The following CBLN2 variants were observed in gnomAD, a reference collection of about 807,000 sequenced individuals.
CBLN2 encodes the protein cerebellin-2.
Under a neutral mutation model 15.0 loss-of-function variants are expected in CBLN2, and 7 were observed. The observed-to-expected ratio is 0.47, with a 90% CI of 0.27 to 0.88. CBLN2 has a LOEUF of 0.88. Ranked by LOEUF, CBLN2 falls within the 40% of genes least tolerant of loss-of-function variation. The pLI, the probability that CBLN2 is intolerant of heterozygous loss-of-function variation, is 0.14. For synonymous variants in CBLN2, 149 were observed against 135.2 expected (o/e 1.10, Z -0.71); for missense variants, 242 against 304.5 (o/e 0.79, Z 1.53).
At chr18:72,557,853 G>A (rs966532260) in intron 1 of CBLN2, among the ~76,000 whole-genome samples, 5 of 152,080 alleles carry the variant, frequency 3.3e-5, no homozygotes, top group Admixed American at 2.0e-4. Flanking sequence ...AAGCCACCAC[G>A]GCACATGTTT....
chr18:72,610,956 CT>C (rs2069617904), intron 1 of CBLN2, among the ~76,000 whole-genome samples: 1 of 152,056 alleles, frequency 6.6e-6, no homozygotes, highest in South Asian at 2.1e-4. Context: ...TGAGTACCCC[CT>C]ATTTAGCTTC....
intron 1 of CBLN2, among the ~76,000 whole-genome samples, chr18:72,631,433 TAA>T (rs10715292): frequency 0.01 from 1,542 of 148,106 alleles, 23 homozygotes; most frequent in African/African-American, 0.033. Context: ...TAGTGTGTAT[TAA>T]AAAAAAAAAA....
intron 1 of CBLN2, among the ~76,000 whole-genome samples, chr18:72,625,804 CTCTCTCTCTCTCTCTATA>C (rs1187485591): frequency 3.2e-4 from 18 of 56,360 alleles, no homozygotes; most frequent in Admixed American, 2.6e-3. Flanking sequence ...CTCTCTCTCT[CTCTCTCTCTCTCTCTATA>C]TATATATATA....
chr18:72,585,709 C>T (rs1464180688), intron 1 of CBLN2, among the ~76,000 whole-genome samples: 1 of 152,194 alleles, frequency 6.6e-6, no homozygotes, highest in East Asian at 1.9e-4. Flanking sequence ...AGCCTGTCTG[C>T]CTCCTGCTGC....
chr18:72,611,522 G>A (rs2069622316), intron 1 of CBLN2, among the ~76,000 whole-genome samples: 1 of 152,000 alleles, frequency 6.6e-6, no homozygotes, highest in African/African-American at 2.4e-5. Flanking sequence ...TTTCATGTTT[G>A]TTGGCTGCTC....
At chr18:72,578,319 G>A (rs1027179565) in intron 1 of CBLN2, among the ~76,000 whole-genome samples, 1 of 152,152 alleles carries the variant, frequency 6.6e-6, no homozygotes, top group Non-Finnish European at 1.5e-5. Context: ...TCCTAGAATT[G>A]TTTGAACACT....
intron 1 of CBLN2, among the ~76,000 whole-genome samples, chr18:72,558,055 G>A (rs1302902968): frequency 6.6e-6 from 1 of 152,200 alleles, no homozygotes; most frequent in African/African-American, 2.4e-5. Flanking sequence ...TCCTAAAGGA[G>A]CAGAGTCATA....
At chr18:72,565,684 A>C (rs2144899328) in intron 1 of CBLN2, among the ~76,000 whole-genome samples, 1 of 152,294 alleles carries the variant, frequency 6.6e-6, no homozygotes, top group South Asian at 2.1e-4. Context: ...TGCTACAGTA[A>C]ATCACCAGAA....
intron 1 of CBLN2, among the ~76,000 whole-genome samples, chr18:72,617,541 G>T (rs2069670274): frequency 1.3e-5 from 2 of 152,114 alleles, no homozygotes; most frequent in Admixed American, 6.5e-5. Flanking sequence ...TCCTAAGAAA[G>T]ATAAAACATT....
At chr18:72,559,317 CT>C (rs2069245674) in intron 1 of CBLN2, among the ~76,000 whole-genome samples, 1 of 152,174 alleles carries the variant, frequency 6.6e-6, no homozygotes, top group Non-Finnish European at 1.5e-5. Context: ...AACAATTTCT[CT>C]GTAGCTGTGG....
intron 1 of CBLN2, among the ~76,000 whole-genome samples, chr18:72,555,819 A>G (rs1316437652): frequency 6.6e-6 from 1 of 152,192 alleles, no homozygotes; most frequent in Non-Finnish European, 1.5e-5. Flanking sequence ...AACATCTTAC[A>G]GAGAAAGTCA....
At chr18:72,575,635 A>G (rs1023711813) in intron 1 of CBLN2, among the ~76,000 whole-genome samples, 16 of 152,182 alleles carry the variant, frequency 1.1e-4, no homozygotes, top group Non-Finnish European at 2.4e-4. Flanking sequence ...CCGGGCCCTC[A>G]GGAGGCGACT....
intron 1 of CBLN2, among the ~76,000 whole-genome samples, chr18:72,612,794 G>T (rs564830605): frequency 1.4e-4 from 21 of 152,196 alleles, no homozygotes; most frequent in African/African-American, 5.1e-4. Flanking sequence ...ATATTTTATG[G>T]ATGTGTGTTT....
intron 1 of CBLN2, among the ~76,000 whole-genome samples, chr18:72,609,700 C>T (rs560215669): frequency 6.6e-6 from 1 of 152,288 alleles, no homozygotes; most frequent in South Asian, 2.1e-4. Flanking sequence ...CAGGTGCCAT[C>T]CCTGTCACTC....
At chr18:72,582,296 G>T (rs890652543) in intron 1 of CBLN2, among the ~76,000 whole-genome samples, 4 of 152,172 alleles carry the variant, frequency 2.6e-5, no homozygotes, top group African/African-American at 7.2e-5. Flanking sequence ...GCAGGCAGAA[G>T]CCTTTTAGTG....
chr18:72,597,548 T>C (rs2069521019), intron 1 of CBLN2, among the ~76,000 whole-genome samples: 1 of 152,230 alleles, frequency 6.6e-6, no homozygotes, highest in Non-Finnish European at 1.5e-5. Context: ...GTCTAGCCAC[T>C]GCCTATGTTC....
At chr18:72,569,649 C>T (rs1005167738) in intron 1 of CBLN2, among the ~76,000 whole-genome samples, 2 of 152,024 alleles carry the variant, frequency 1.3e-5, no homozygotes, top group African/African-American at 4.8e-5. Flanking sequence ...GGATCAGGCC[C>T]CACACATGGC....
At chr18:72,610,288 T>A (rs1307042543) in intron 1 of CBLN2, among the ~76,000 whole-genome samples, 1 of 152,162 alleles carries the variant, frequency 6.6e-6, no homozygotes, top group Non-Finnish European at 1.5e-5. Context: ...ATGTGTGCAG[T>A]GCTGTTCTCT....
At position 72,542,199 on chromosome 18, in the gene CBLN2, G is replaced by T; in HGVS notation, c.-39C>A. On this transcript the variant is annotated 5_prime_UTR_variant, in exon 3 of 5. Transcript: ENST00000269503. ...AGGCGGCGCGCGGGGGTGGAGGCCGGCGCCGGCGCGAGCGGCGCGGAAGGG... is the reference window on the plus strand; with the variant it reads ...AGGCGGCGCGCGGGGGTGGAGGCCGTCGCCGGCGCGAGCGGCGCGGAAGGG... 1 of 1,180,516 alleles carries T rather than the reference G, an allele frequency of 8.5e-7. No individual in the cohort carries two copies. Among genetic ancestry groups the T allele is most frequent in the Non-Finnish European group, 1.0e-6 (1 of 955,676 alleles). The allele number at this position is 1,180,516 out of a possible 1,614,324, so 73.1% of individuals were successfully genotyped here.
Sources: allele counts gnomAD v4.1 joint callset (sites outside exome capture counted in the v4.1 genomes callset), GRCh38; gene constraint gnomAD v4.1.1; transcripts MANE v1.5; gene names NCBI Gene and HGNC (gene_info 2026-07-23, HGNC 2026-07-21).